Variants in RABGAP1L observed in about 807,000 individuals in gnomAD.
RABGAP1L encodes the protein rab GTPase-activating protein 1-like.
Under a neutral mutation model 137.7 loss-of-function variants are expected in RABGAP1L, and 63 were observed. The observed-to-expected ratio is 0.46, with a 90% CI of 0.37 to 0.56. The LOEUF (loss-of-function observed/expected upper bound fraction) is 0.56, where lower values mean the gene tolerates loss of function less well. Ranked by LOEUF, RABGAP1L falls within the 20% of genes least tolerant of loss-of-function variation. The pLI, the probability that RABGAP1L is intolerant of heterozygous loss-of-function variation, is 0.00. For synonymous variants in RABGAP1L, 431 were observed against 433.7 expected, an observed-to-expected ratio of 0.99 and a Z score of 0.08; for missense variants, 1,095 against 1,244.0, an observed-to-expected ratio of 0.88 and a Z score of 1.80.
chr1:174,539,877 C>T (rs981803544), intron 13 of RABGAP1L, among the ~76,000 whole-genome samples: 6 of 152,200 alleles, frequency 3.9e-5, no homozygotes, highest in Admixed American at 1.3e-4. Flanking sequence ...CACTGTCTTC[C>T]ACAAGGGTTG....
chr1:174,519,766 C>T lies in RABGAP1L; in HGVS notation c.1711-117609C>T, dbSNP rs762191716. ...TGACAAACATACATTGCTAACTGTG[C>T]GTAGGTTCTTTACATTTTAATTAAT... On this transcript the variant is annotated intron_variant, in intron 13 of 25. Transcript: ENST00000681986. 9.9e-5 allele frequency among the ~76,000 whole-genome samples: 15 copies of T among 152,106 alleles called. No individual in the cohort carries two copies. The South Asian group carries it at 1.0e-3, about 11-fold the overall frequency.
At chr1:174,389,151 C>T (rs1277475461) in intron 12 of RABGAP1L, among the ~76,000 whole-genome samples, 1 of 152,030 alleles carries the variant, frequency 6.6e-6, no homozygotes, top group African/African-American at 2.4e-5. Flanking sequence ...TTTAATCTAT[C>T]CTTTTTCTTG....
intron 19 of RABGAP1L, among the ~76,000 whole-genome samples, chr1:174,819,022 A>C (rs1690725910): frequency 6.6e-6 from 1 of 151,720 alleles, no homozygotes; most frequent in Non-Finnish European, 1.5e-5. Flanking sequence ...TGTCTCAAAA[A>C]AACTCCAAAA....
chr1:174,195,460 T>G (rs992501237), intron 1 of RABGAP1L, among the ~76,000 whole-genome samples: 1 of 152,194 alleles, frequency 6.6e-6, no homozygotes, highest in Non-Finnish European at 1.5e-5. Flanking sequence ...AAAAATTTCC[T>G]TCTCGTATTT....
At chr1:174,799,150 T>C (rs1688505005) in intron 18 of RABGAP1L, among the ~76,000 whole-genome samples, 1 of 152,228 alleles carries the variant, frequency 6.6e-6, no homozygotes, top group Admixed American at 6.5e-5. Context: ...AAATGTATAC[T>C]CTTAATACGT....
At chr1:174,581,950 A>G (rs1156741888) in intron 13 of RABGAP1L, among the ~76,000 whole-genome samples, 1 of 152,200 alleles carries the variant, frequency 6.6e-6, no homozygotes, top group Non-Finnish European at 1.5e-5. Context: ...TGCCATTACC[A>G]CAGTGGGGTA....
At chr1:174,167,639 C>T (rs895505339) in intron 1 of RABGAP1L, among the ~76,000 whole-genome samples, 3 of 152,210 alleles carry the variant, frequency 2.0e-5, no homozygotes, top group African/African-American at 7.2e-5. Context: ...TTCTCAACTT[C>T]TCCTTTACCC....
At chr1:174,584,700 G>A (rs543926370) in intron 13 of RABGAP1L, among the ~76,000 whole-genome samples, 114 of 152,246 alleles carry the variant, frequency 7.5e-4, no homozygotes, top group African/African-American at 2.6e-3. Context: ...AAGCAAAACC[G>A]TGAGCATTTT....
intron 17 of RABGAP1L, among the ~76,000 whole-genome samples, chr1:174,744,464 T>C (rs1355352480): frequency 6.6e-6 from 1 of 152,228 alleles, no homozygotes; most frequent in Non-Finnish European, 1.5e-5. Flanking sequence ...GATTTTCTTT[T>C]GATTACCTGT....
At chr1:174,352,858 C>T (rs555094187) in intron 11 of RABGAP1L, among the ~76,000 whole-genome samples, 3 of 152,120 alleles carry the variant, frequency 2.0e-5, no homozygotes, top group Admixed American at 6.6e-5. Flanking sequence ...TGGTGGTCTT[C>T]GGTAAGATCC....
At chr1:174,733,663 T>G (rs1226968034) in intron 17 of RABGAP1L, among the ~76,000 whole-genome samples, 2 of 152,272 alleles carry the variant, frequency 1.3e-5, no homozygotes, top group African/African-American at 2.4e-5. Flanking sequence ...AGCACTATTC[T>G]GGACACTGAG....
chr1:174,623,409 T>C lies in RABGAP1L; in HGVS notation c.1711-13966T>C, dbSNP rs145588722. ...GTTACCAAAACCACCCTTAAGTTCATAATTAATTAAACATGCTCATGGAAG... is the reference window on the plus strand; with the variant it reads ...GTTACCAAAACCACCCTTAAGTTCACAATTAATTAAACATGCTCATGGAAG... On this transcript the variant is annotated intron_variant, in intron 13 of 25. Transcript: ENST00000681986. Among the ~76,000 whole-genome samples, 237 of 152,284 alleles carry C rather than the reference T, an allele frequency of 1.6e-3. 1 individual carries two copies. The highest frequency in any genetic ancestry group is 5.5e-3 in the African/African-American group (230 of 41,550).
chr1:174,611,995 C>G (rs546157284), intron 13 of RABGAP1L, among the ~76,000 whole-genome samples: 36 of 152,344 alleles, frequency 2.4e-4, no homozygotes, highest in African/African-American at 8.4e-4. Context: ...ATCATGTCAT[C>G]TGCAAACAGG....
In RABGAP1L at chr1:174,764,752, G is replaced by A. The variant is rs148133272; in HGVS notation, c.2211+12398G>A. Among the ~76,000 whole-genome samples the A allele has an allele frequency of 6.2e-3, 948 of 152,228 alleles. 19 individuals carry two copies. Among genetic ancestry groups the A allele is most frequent in the African/African-American group, 0.022 (905 of 41,512 alleles). On this transcript the variant is annotated intron_variant, in intron 18 of 25. Coordinates refer to ENST00000681986, the MANE Select transcript of RABGAP1L (RefSeq NM_001366446.1). ...CTCCAAAGTAGCTGAGACTGTAGGC[G>A]TGAGCCACTATACCCAGTGGCATTG...
At chr1:174,733,597 T>G (rs777376519) in intron 17 of RABGAP1L, among the ~76,000 whole-genome samples, 1 of 152,232 alleles carries the variant, frequency 6.6e-6, no homozygotes, top group Non-Finnish European at 1.5e-5. Flanking sequence ...ATCCCTCCTT[T>G]TTTTGTACTT....
intron 19 of RABGAP1L, among the ~76,000 whole-genome samples, chr1:174,823,773 T>C (rs1431107247): frequency 6.6e-6 from 1 of 152,224 alleles, no homozygotes; most frequent in Non-Finnish European, 1.5e-5. Context: ...TCTGATGTAA[T>C]CATTACACAT....
At chr1:174,695,740 G>T (rs332772) in intron 15 of RABGAP1L, among the ~76,000 whole-genome samples, 56 of 152,126 alleles carry the variant, frequency 3.7e-4, no homozygotes, top group Non-Finnish European at 5.9e-4. Context: ...ATTTTTACCC[G>T]TCCTTCTTGA....
rs371333388 is a variant in RABGAP1L at position 174,440,181 on chromosome 1, A to G, written c.1710+46036A>G. Among the ~76,000 whole-genome samples the G allele has an allele frequency of 3.9e-5, 6 of 152,222 alleles. No homozygotes were observed. In the South Asian group the frequency reaches 6.2e-4, roughly 16 times the overall value. On this transcript the variant is annotated intron_variant, in intron 13 of 25. Coordinates refer to ENST00000681986, the MANE Select transcript of RABGAP1L (RefSeq NM_001366446.1). ...GGTAGTTTAGCTAATCCTAAACAACATAGAAGAGAAGTGAGACTGGATGGA... is the reference window on the plus strand; with the variant it reads ...GGTAGTTTAGCTAATCCTAAACAACGTAGAAGAGAAGTGAGACTGGATGGA...
intron 13 of RABGAP1L, among the ~76,000 whole-genome samples, chr1:174,471,588 C>G (rs1470596660): frequency 2.6e-5 from 4 of 152,198 alleles, no homozygotes; most frequent in Non-Finnish European, 5.9e-5. Flanking sequence ...TTTTCACCTT[C>G]AAGCAAACCA....
Sources: allele counts gnomAD v4.1 joint callset (sites outside exome capture counted in the v4.1 genomes callset), GRCh38; gene constraint gnomAD v4.1.1; transcripts MANE v1.5; gene names NCBI Gene and HGNC (gene_info 2026-07-23, HGNC 2026-07-21).